Variants in COX10 observed in about 807,000 individuals in gnomAD.
The protein encoded by COX10 is cytochrome c oxidase assembly factor heme A:farnesyltransferase COX10.
Under a neutral mutation model 37.3 loss-of-function variants are expected in COX10, and 27 were observed. That is an observed-to-expected ratio of 0.72 (90% CI 0.53 to 1.00). COX10 has a LOEUF of 1.00. Ranked by LOEUF, COX10 falls within the 50% of genes least tolerant of loss-of-function variation. COX10 has a pLI of 0.00. For synonymous variants in COX10, 222 were observed against 229.1 expected, an observed-to-expected ratio of 0.97 and a Z score of 0.28; for missense variants, 475 against 563.2, an observed-to-expected ratio of 0.84 and a Z score of 1.59.
chr17:14,073,229 G>A (rs181765228), intron 1 of COX10, among the ~76,000 whole-genome samples: 3 of 152,290 alleles, frequency 2.0e-5, no homozygotes, highest in Non-Finnish European at 2.9e-5. Flanking sequence ...CGTTACCATA[G>A]TCCAAATGTA....
chr17:14,143,604 CA>C (rs918357004), intron 4 of COX10, among the ~76,000 whole-genome samples: 15 of 152,166 alleles, frequency 9.9e-5, no homozygotes, highest in Middle Eastern at 6.8e-3. Context: ...CCTCTCTGAC[CA>C]AATCACTTCT....
chr17:14,074,147 A>G (rs1915091342), intron 1 of COX10, among the ~76,000 whole-genome samples, 176 bp from the exon 2 acceptor site: 1 of 152,212 alleles, frequency 6.6e-6, no homozygotes, highest in Non-Finnish European at 1.5e-5. Context: ...AACAATGAGT[A>G]GGGCTGGTAA....
intron 5 of COX10, among the ~76,000 whole-genome samples, chr17:14,179,574 G>A (rs540812678): frequency 6.6e-6 from 1 of 152,232 alleles, no homozygotes; most frequent in East Asian, 1.9e-4. Flanking sequence ...TGAATAGATC[G>A]GTACAAACAA....
chr17:14,190,471 C>T (rs1317774696), intron 5 of COX10, among the ~76,000 whole-genome samples: 6 of 152,192 alleles, frequency 3.9e-5, no homozygotes, highest in Admixed American at 3.9e-4. Context: ...AGAAGTCTCT[C>T]AGCTGTAATT....
At chr17:14,204,938 C>T (rs1199115834) in intron 6 of COX10, among the ~76,000 whole-genome samples, 1 of 152,026 alleles carries the variant, frequency 6.6e-6, no homozygotes, top group African/African-American at 2.4e-5. Context: ...CCCATCTCTA[C>T]AAAAAGTTGT....
intron 4 of COX10, among the ~76,000 whole-genome samples, chr17:14,129,164 T>TA (rs964759327): frequency 1.3e-5 from 2 of 149,138 alleles, no homozygotes; most frequent in Non-Finnish European, 1.5e-5. Flanking sequence ...TTTTTTTTTT[T>TA]AAACACTGGT....
At chr17:14,192,390 C>T (rs1906233567) in intron 6 of COX10, among the ~76,000 whole-genome samples, 169 bp downstream of exon 6, 1 of 152,078 alleles carries the variant, frequency 6.6e-6, no homozygotes, top group Admixed American at 6.5e-5. Flanking sequence ...AAAGAGAGAC[C>T]GTGTCATCCT....
At chr17:14,166,612 CTTT>C (rs71147845) in intron 5 of COX10, among the ~76,000 whole-genome samples, 18 of 96,522 alleles carry the variant, frequency 1.9e-4, no homozygotes, top group Non-Finnish European at 2.6e-4. Flanking sequence ...TCAATTCGAC[CTTT>C]TTTTTTTTTT....
Position 14,206,623 on chromosome 17 carries a change from G to A in COX10, c.929-187G>A, listed in dbSNP as rs563836689. On this transcript the variant is annotated intron_variant, in intron 6 of 6. Transcript: ENST00000261643. ...AAGGAGGGATCTTAGCTCATCGGCTGCCCCACCAGCCTGATGTAGGCACCT... is the reference window on the plus strand; with the variant it reads ...AAGGAGGGATCTTAGCTCATCGGCTACCCCACCAGCCTGATGTAGGCACCT... Among the ~76,000 whole-genome samples the A allele has an allele frequency of 5.3e-5, 8 of 152,242 alleles. No individual in the cohort carries two copies. The South Asian group carries it at 8.3e-4, about 16-fold the overall frequency.
At chr17:14,203,494 C>T (rs1352766835) in intron 6 of COX10, among the ~76,000 whole-genome samples, 2 of 152,142 alleles carry the variant, frequency 1.3e-5, no homozygotes, top group East Asian at 1.9e-4. Context: ...GTCTGATAAA[C>T]GTAACTCAGA....
chr17:14,190,951 A>T (rs1284586666), intron 5 of COX10, among the ~76,000 whole-genome samples: 2 of 152,124 alleles, frequency 1.3e-5, no homozygotes, highest in Non-Finnish European at 2.9e-5. Flanking sequence ...TAGAAGCTGC[A>T]CACTGGTGAC....
In COX10 at chr17:14,163,090, T is replaced by C. The variant is rs148057251; in HGVS notation, c.695+3143T>C. Among the ~76,000 whole-genome samples the C allele has an allele frequency of 3.3e-5, 5 of 152,282 alleles. No individual in the cohort carries two copies. In the East Asian group the frequency reaches 9.6e-4, roughly 29 times the overall value. Reference sequence around the variant, plus strand: ...ACTGACTGGTTTGAAAATAATCATGTGCGTGTTAGGATAAGATGACATGAA... The same window carrying C: ...ACTGACTGGTTTGAAAATAATCATGCGCGTGTTAGGATAAGATGACATGAA... On this transcript the variant is annotated intron_variant, in intron 5 of 6. Coordinates refer to ENST00000261643, the MANE Select transcript of COX10 (RefSeq NM_001303.4).
chr17:14,103,414 T>C (rs1567591801), intron 4 of COX10, among the ~76,000 whole-genome samples: 2 of 152,180 alleles, frequency 1.3e-5, no homozygotes, highest in Non-Finnish European at 2.9e-5. Context: ...GGACCCGAGG[T>C]TAAGCCAGGA....
intron 4 of COX10, among the ~76,000 whole-genome samples, chr17:14,125,690 G>A (rs772425349): frequency 6.6e-6 from 1 of 152,104 alleles, no homozygotes; most frequent in Non-Finnish European, 1.5e-5. Context: ...GTAGTAGATG[G>A]CATCCAATTC....
chr17:14,193,527 G>C (rs532676692), intron 6 of COX10, among the ~76,000 whole-genome samples: 33 of 148,992 alleles, frequency 2.2e-4, no homozygotes, highest in African/African-American at 8.1e-4. Context: ...TTGTCCTCTG[G>C]CTGTTATTTT....
At position 14,159,863 on chromosome 17, in the gene COX10, C is replaced by G; in HGVS notation, c.625-14C>G. 1 of 1,597,632 alleles carries G rather than the reference C, an allele frequency of 6.3e-7. No individual in the cohort carries two copies. The highest frequency in any genetic ancestry group is 8.6e-7 in the Non-Finnish European group (1 of 1,168,580). On this transcript the variant is annotated splice_polypyrimidine_tract_variant and intron_variant, in intron 4 of 6. Transcript: ENST00000261643. ...ATAGTTAATGTTTTCTGTCTTTTTT[C>G]ATTCTTTTTACAGTTTTTTGAGGTG... is the stretch of plus-strand genomic sequence containing the variant.
intron 3 of COX10, among the ~76,000 whole-genome samples, chr17:14,079,737 C>A (rs767349114): frequency 6.6e-6 from 1 of 152,020 alleles, no homozygotes; most frequent in Non-Finnish European, 1.5e-5. Context: ...TCCTTTCCCA[C>A]CATTCTAGAT....
At chr17:14,100,988 C>A (rs545096436) in intron 3 of COX10, among the ~76,000 whole-genome samples, 1 of 152,214 alleles carries the variant, frequency 6.6e-6, no homozygotes, top group South Asian at 2.1e-4. Context: ...AGCACCCTCC[C>A]CTGCAATCAA....
chr17:14,194,490 G>A (rs1264504669), intron 6 of COX10, among the ~76,000 whole-genome samples: 2 of 152,082 alleles, frequency 1.3e-5, no homozygotes, highest in African/African-American at 4.8e-5. Flanking sequence ...GCAGTGGTGC[G>A]ATCTCGGCTC....
Sources: allele counts gnomAD v4.1 joint callset (sites outside exome capture counted in the v4.1 genomes callset), GRCh38; gene constraint gnomAD v4.1.1; transcripts MANE v1.5; gene names NCBI Gene and HGNC (gene_info 2026-07-23, HGNC 2026-07-21).